The following ENTREP2 variants were observed in gnomAD, a reference collection of about 807,000 sequenced individuals.
The protein encoded by ENTREP2 is protein ENTREP2.
chr15:29,517,157 A>G, the ENTREP2 span, among the ~76,000 whole-genome samples: 1 of 152,082 alleles, frequency 6.6e-6, no homozygotes, highest in Non-Finnish European at 1.5e-5. Context: ...GAAGCGGGGG[A>G]GCAGCGGAGA....
the ENTREP2 span, among the ~76,000 whole-genome samples, chr15:29,650,590 C>T: frequency 2.3e-4 from 34 of 149,988 alleles, no homozygotes; most frequent in Non-Finnish European, 4.0e-4. Flanking sequence ...GAGACTCCAT[C>T]TCAAAAAAAA....
At chr15:29,608,510 C>T in the ENTREP2 span, among the ~76,000 whole-genome samples, 63 of 139,014 alleles carry the variant, frequency 4.5e-4, no homozygotes, top group East Asian at 9.2e-4. Flanking sequence ...CCTCCTGCCT[C>T]CTCCTGCCTT....
chr15:29,362,999 A>G, the ENTREP2 span, among the ~76,000 whole-genome samples: 1 of 152,196 alleles, frequency 6.6e-6, no homozygotes, highest in Non-Finnish European at 1.5e-5. Flanking sequence ...CCATTTTCAT[A>G]AACGAGGTGG....
At chr15:29,273,199 CT>C in the ENTREP2 span, among the ~76,000 whole-genome samples, 352 of 133,750 alleles carry the variant, frequency 2.6e-3, no homozygotes, top group African/African-American at 4.5e-3. Context: ...ATAAATTAAA[CT>C]TTTTTTTTTT....
the ENTREP2 span, among the ~76,000 whole-genome samples, chr15:29,243,896 A>T: frequency 6.6e-6 from 1 of 152,260 alleles, no homozygotes; most frequent in African/African-American, 2.4e-5. Flanking sequence ...TTCCCAGGTT[A>T]TATAAACTGT....
the ENTREP2 span, among the ~76,000 whole-genome samples, chr15:29,571,903 T>A: frequency 6.6e-6 from 1 of 152,242 alleles, no homozygotes; most frequent in Non-Finnish European, 1.5e-5. Flanking sequence ...GGACCAGACG[T>A]GAAAAGGCAA....
chr15:29,388,524 T>C, the ENTREP2 span, among the ~76,000 whole-genome samples: 1 of 152,178 alleles, frequency 6.6e-6, no homozygotes, highest in African/African-American at 2.4e-5. Flanking sequence ...TGTGGGACTG[T>C]AAACTAGTTC....
the ENTREP2 span, chr15:29,137,047 T>C: frequency 6.9e-7 from 1 of 1,439,602 alleles, no homozygotes; most frequent in South Asian, 1.5e-5. Flanking sequence ...TGGGCCTCAG[T>C]GGACGGTGTG....
the ENTREP2 span, among the ~76,000 whole-genome samples, chr15:29,403,628 G>A: frequency 2.0e-5 from 3 of 152,136 alleles, no homozygotes; most frequent in African/African-American, 7.2e-5. Context: ...AAATCATTAT[G>A]AATAAAGGCC....
At chr15:29,156,336 C>G in the ENTREP2 span, among the ~76,000 whole-genome samples, 1 of 152,034 alleles carries the variant, frequency 6.6e-6, no homozygotes, top group Non-Finnish European at 1.5e-5. Flanking sequence ...AGGTGCCCGC[C>G]ACCATGGCTG....
chr15:29,553,075 C>T, the ENTREP2 span, among the ~76,000 whole-genome samples: 5 of 152,336 alleles, frequency 3.3e-5, no homozygotes, highest in African/African-American at 9.6e-5. Flanking sequence ...GCGGGCAGAT[C>T]GTTTGAGGCC....
chr15:29,377,069 G>A, the ENTREP2 span: 2 of 152,118 alleles, frequency 1.3e-5, no homozygotes, highest in Admixed American at 6.5e-5. Flanking sequence ...TGCCCCCCTG[G>A]GAATGAACTA....
the ENTREP2 span, among the ~76,000 whole-genome samples, chr15:29,462,982 T>G: frequency 1.3e-5 from 2 of 152,226 alleles, no homozygotes; most frequent in Non-Finnish European, 2.9e-5. Flanking sequence ...ACCTCTCTCC[T>G]GCCTCCTGAA....
chr15:29,346,663 T>A, the ENTREP2 span, among the ~76,000 whole-genome samples: 1 of 152,232 alleles, frequency 6.6e-6, no homozygotes, highest in Non-Finnish European at 1.5e-5. Flanking sequence ...TCTGCTGACA[T>A]CCAAATTCGT....
chr15:29,458,969 A>T, the ENTREP2 span, among the ~76,000 whole-genome samples: 1 of 152,234 alleles, frequency 6.6e-6, no homozygotes, highest in South Asian at 2.1e-4. Context: ...TCCGGTGCTG[A>T]TTCCCACATG....
chr15:29,220,892 C>T, the ENTREP2 span, among the ~76,000 whole-genome samples: 14 of 151,128 alleles, frequency 9.3e-5, no homozygotes, highest in Admixed American at 9.2e-4. Flanking sequence ...CGTCATATTC[C>T]GTTTGCTAAT....
chr15:29,586,933 G>A, the ENTREP2 span, among the ~76,000 whole-genome samples: 1 of 152,090 alleles, frequency 6.6e-6, no homozygotes, highest in South Asian at 2.1e-4. Flanking sequence ...AGCATGGGGA[G>A]ATACTTAGCA....
the ENTREP2 span, among the ~76,000 whole-genome samples, chr15:29,644,871 A>AT: frequency 0.017 from 2,539 of 151,820 alleles, 63 homozygotes; most frequent in African/African-American, 0.058. Flanking sequence ...AAGAAGAAAA[A>AT]TAAAAAAAAG....
At chr15:29,489,241 CCTTA>C in the ENTREP2 span, among the ~76,000 whole-genome samples, 9 of 152,186 alleles carry the variant, frequency 5.9e-5, no homozygotes, top group African/African-American at 1.7e-4. Flanking sequence ...TTCCTTCCTT[CCTTA>C]CCTGCCTGGC....
Sources: allele counts gnomAD v4.1 joint callset (sites outside exome capture counted in the v4.1 genomes callset), GRCh38; gene constraint gnomAD v4.1.1; transcripts MANE v1.5; gene names NCBI Gene and HGNC (gene_info 2026-07-23, HGNC 2026-07-21).